The following ATP2B2 variants were observed in gnomAD, a reference collection of about 807,000 sequenced individuals.
The protein encoded by ATP2B2 is plasma membrane calcium-transporting ATPase 2.
A neutral mutation model predicts 120.0 loss-of-function variants in ATP2B2; 15 were observed. The observed-to-expected ratio is 0.12, with a 90% CI of 0.08 to 0.19. The LOEUF is 0.19. Ranked by LOEUF, ATP2B2 falls within the 10% of genes least tolerant of loss-of-function variation. The pLI, the probability that ATP2B2 is intolerant of heterozygous loss-of-function variation, is 1.00. For synonymous variants in ATP2B2, 694 were observed against 700.3 expected, an observed-to-expected ratio of 0.99 and a Z score of 0.14; for missense variants, 1,045 against 1,719.8, an observed-to-expected ratio of 0.61 and a Z score of 6.94.
intron 3 of ATP2B2, among the ~76,000 whole-genome samples, chr3:10,404,022 C>T (rs1309628061): frequency 6.6e-6 from 1 of 152,198 alleles, no homozygotes; most frequent in African/African-American, 2.4e-5. Flanking sequence ...GGGTCAGAAG[C>T]AACATGACAA....
intron 2 of ATP2B2, among the ~76,000 whole-genome samples, chr3:10,590,885 G>T (rs2068628369): frequency 6.6e-6 from 1 of 152,110 alleles, no homozygotes; most frequent in African/African-American, 2.4e-5. Context: ...CAGCTCCTGG[G>T]CTCCCTGACC....
At chr3:10,377,650 G>A (rs1490595924) in intron 10 of ATP2B2, among the ~76,000 whole-genome samples, 1 of 152,234 alleles carries the variant, frequency 6.6e-6, no homozygotes, top group Non-Finnish European at 1.5e-5. Flanking sequence ...CAGACCATGG[G>A]TTTCTCCCTG....
At chr3:10,700,522 C>T (rs1056592664) in intron 1 of ATP2B2, among the ~76,000 whole-genome samples, 3 of 152,224 alleles carry the variant, frequency 2.0e-5, no homozygotes, top group African/African-American at 7.2e-5. Context: ...ATGCCATGCA[C>T]AGTAGGGAGA....
chr3:10,460,307 A>C (rs1249317896), intron 1 of ATP2B2, among the ~76,000 whole-genome samples: 1 of 152,152 alleles, frequency 6.6e-6, no homozygotes, highest in Non-Finnish European at 1.5e-5. Flanking sequence ...GGCAGTGGGG[A>C]ACTGGCTTCC....
chr3:10,498,082 A>G (rs1274858383), intron 1 of ATP2B2, among the ~76,000 whole-genome samples: 1 of 152,262 alleles, frequency 6.6e-6, no homozygotes, highest in Non-Finnish European at 1.5e-5. Context: ...CTGTGGTGTA[A>G]CACCAGTTGT....
At chr3:10,459,418 GC>G in intron 1 of ATP2B2, among the ~76,000 whole-genome samples, 1 of 152,220 alleles carries the variant, frequency 6.6e-6, no homozygotes, top group East Asian at 1.9e-4. Context: ...GGGGATGGTG[GC>G]CCTGCCTGGG....
chr3:10,343,067 T>C lies in ATP2B2; in HGVS notation c.2704-102A>G, dbSNP rs2060327577. On this transcript the variant is annotated intron_variant, in intron 18 of 22. Coordinates refer to ENST00000360273, the MANE Select transcript of ATP2B2 (RefSeq NM_001001331.4). This position sits in a 1 kb window ranked among gnomAD's most constrained non-coding sequence, Gnocchi z 4.2. The stretch of plus-strand genomic sequence containing the variant: ...GTGTCCGCAGGCTCCTGCTGGAGGC[T>C]GGAGTCCGACCTGCCCCTTGGCTCC... 10 of 1,275,222 alleles carry C rather than the reference T, an allele frequency of 7.8e-6. No homozygotes were observed. In the Middle Eastern group the frequency reaches 1.0e-3, roughly 133 times the overall value. The allele number at this position is 1,275,222 out of a possible 1,614,324, so 79.0% of individuals were successfully genotyped here.
intron 1 of ATP2B2, among the ~76,000 whole-genome samples, chr3:10,638,536 G>A (rs1432120070): frequency 6.6e-6 from 1 of 152,062 alleles, no homozygotes; most frequent in Non-Finnish European, 1.5e-5. Flanking sequence ...TAATCCCAAA[G>A]ACAACAGGAA....
intron 2 of ATP2B2, among the ~76,000 whole-genome samples, chr3:10,435,592 A>C (rs2063455800): frequency 6.6e-6 from 1 of 152,158 alleles, no homozygotes. Context: ...ATACTTCTCA[A>C]CTTGGGCTGC....
intron 1 of ATP2B2, among the ~76,000 whole-genome samples, chr3:10,694,332 A>G (rs35135267): frequency 0.033 from 5,001 of 152,198 alleles, 139 homozygotes; most frequent in South Asian, 0.13. Flanking sequence ...TCTCTCCCCC[A>G]TCCCTAACCT....
At chr3:10,339,836 C>G (rs931154561) in intron 21 of ATP2B2, among the ~76,000 whole-genome samples, 3 of 152,228 alleles carry the variant, frequency 2.0e-5, no homozygotes, top group African/African-American at 7.2e-5. Context: ...GCCTTGAATC[C>G]CTGGCAGGCC....
chr3:10,586,650 C>A (rs1197481839), intron 2 of ATP2B2, among the ~76,000 whole-genome samples: 2 of 152,170 alleles, frequency 1.3e-5, no homozygotes, highest in African/African-American at 4.8e-5. Context: ...GGATGTGCAT[C>A]CTTCTGGCCC....
At chr3:10,505,901 G>T (rs1288466121), upstream of ATP2B2, among the ~76,000 whole-genome samples, 1 of 152,056 alleles carries the variant, frequency 6.6e-6, no homozygotes, top group Non-Finnish European at 1.5e-5. Context: ...GAATATGCCC[G>T]CTCCCCAGAA....
At chr3:10,647,234 C>G (rs75302650) in intron 1 of ATP2B2, among the ~76,000 whole-genome samples, 9,799 of 151,978 alleles carry the variant, frequency 0.064, 448 homozygotes, top group African/African-American at 0.14. Context: ...AATGGGCCCA[C>G]TAGAACAATA....
Position 10,410,622 on chromosome 3 carries a change from G to A in ATP2B2, c.393C>T (p.Asn131=), listed in dbSNP as rs1445559195. Reference sequence around the variant, plus strand: ...TGGGTCTGAGGCCCATCTTACCTTCGTTGCCCTCGCCGGGCGGGTGGTAGA... The same window carrying A: ...TGGGTCTGAGGCCCATCTTACCTTCATTGCCCTCGCCGGGCGGGTGGTAGA... ...LSFYHPPGEG[N]EGCATAQGGA... Residue 131 remains asparagine (N), a synonymous_variant, in exon 3 of 23, where the codon AAC becomes AAT. Transcript: ENST00000360273. 6 of 1,604,680 alleles carry A rather than the reference G, an allele frequency of 3.7e-6. No homozygotes were observed. The highest frequency in any genetic ancestry group is 2.2e-5 in the East Asian group (1 of 44,740).
intron 2 of ATP2B2, among the ~76,000 whole-genome samples, chr3:10,430,087 G>A (rs1211113559): frequency 6.6e-6 from 1 of 152,244 alleles, no homozygotes; most frequent in African/African-American, 2.4e-5. Flanking sequence ...TGCCACAGAA[G>A]TGATTCCTTT....
chr3:10,550,855 C>T (rs768721911), intron 2 of ATP2B2, among the ~76,000 whole-genome samples: 5 of 152,168 alleles, frequency 3.3e-5, no homozygotes, highest in Non-Finnish European at 7.4e-5. Context: ...CTGGGAGAGA[C>T]AGAAGCTGTT....
chr3:10,375,743 AC>A lies in ATP2B2; in HGVS notation c.1202-100del. On this transcript the variant is annotated intron_variant, in intron 10 of 22. Coordinates refer to ENST00000360273, the MANE Select transcript of ATP2B2 (RefSeq NM_001001331.4). This position sits in a 1 kb window ranked among gnomAD's most constrained non-coding sequence, Gnocchi z 4.2. Reference sequence around the variant, plus strand: ...GCTGAAAGAGCTCCGGGTCAGGCTGACCCCAGCTCACCTCCCAGCTCTGCCA... The same window carrying A: ...GCTGAAAGAGCTCCGGGTCAGGCTGACCCAGCTCACCTCCCAGCTCTGCCA... The A allele has an allele frequency of 9.9e-7, 1 of 1,010,550 alleles. No individual in the cohort carries two copies. Among genetic ancestry groups the A allele is most frequent in the Non-Finnish European group, 1.5e-6 (1 of 656,076 alleles). 62.6% of individuals were successfully genotyped at this position (1,010,550 alleles called of 1,614,324 possible). A position where few individuals can be genotyped will look rare whatever the true frequency, so the allele number is the denominator to read the frequency against.
At chr3:10,655,446 T>C (rs1209661853) in intron 1 of ATP2B2, among the ~76,000 whole-genome samples, 1 of 98,262 alleles carries the variant, frequency 1.0e-5, no homozygotes, top group Non-Finnish European at 1.7e-5. Flanking sequence ...GTAAATTCCC[T>C]GGGTGCTTCA....
Sources: gnomAD v4.1 joint callset for allele counts (sites outside exome capture counted in the v4.1 genomes callset) on GRCh38, gnomAD v4.1.1 for gene constraint, Gnocchi (gnomAD v3.1) non-coding constraint, MANE v1.5 for transcripts, NCBI Gene and HGNC (gene_info 2026-07-23, HGNC 2026-07-21) for gene names.